Variants in C2orf74 observed in about 807,000 individuals in gnomAD.
C2orf74 encodes uncharacterized protein C2orf74.
Under a neutral mutation model 17.9 loss-of-function variants are expected in C2orf74, and 14 were observed. That is an observed-to-expected ratio of 0.78 (90% CI 0.52 to 1.22). The LOEUF is 1.22. Among genes scored for constraint, C2orf74 ranks in the 50% most tolerant of loss-of-function variants. The pLI is 0.00. For missense variants in C2orf74, 217 were observed against 218.4 expected, an observed-to-expected ratio of 0.99 and a Z score of 0.04; for synonymous variants, 79 against 72.6, an observed-to-expected ratio of 1.09 and a Z score of -0.44.
intron 1 of C2orf74, among the ~76,000 whole-genome samples, chr2:61,145,497 C>A (rs907723219): frequency 1.3e-5 from 2 of 152,138 alleles, no homozygotes; most frequent in East Asian, 3.9e-4. Context: ...AATCTCGGCT[C>A]ACTGCACCCT....
chr2:61,157,557 C>T (rs1685428618), upstream of C2orf74, among the ~76,000 whole-genome samples: 1 of 152,178 alleles, frequency 6.6e-6, no homozygotes, highest in Admixed American at 6.5e-5. Flanking sequence ...AGTCCAGCTT[C>T]CTGTCCACAC....
chr2:61,157,429 G>C (rs1685424691), upstream of C2orf74, among the ~76,000 whole-genome samples: 1 of 152,144 alleles, frequency 6.6e-6, no homozygotes, highest in South Asian at 2.1e-4. Context: ...CAGAAGAGGA[G>C]GCAGTGTGAT....
chr2:61,149,955 CAG>C (rs1217233324), intron 1 of C2orf74, among the ~76,000 whole-genome samples: 1 of 152,110 alleles, frequency 6.6e-6, no homozygotes, highest in Non-Finnish European at 1.5e-5. Context: ...TTTGAGTAAA[CAG>C]AGGAAGTGGC....
At chr2:61,159,190 G>T, upstream of C2orf74, 1 of 229,202 alleles carries the variant, frequency 4.4e-6, no homozygotes, top group Non-Finnish European at 9.0e-6. Context: ...TAGAGATGGG[G>T]TTTCACCATG....
chr2:61,160,065 G>C (rs1250435222), upstream of C2orf74, among the ~76,000 whole-genome samples: 1 of 152,048 alleles, frequency 6.6e-6, no homozygotes, highest in Admixed American at 6.6e-5. Context: ...CATATAAGTG[G>C]AATCATACAA....
At chr2:61,149,163 C>G (rs924071709) in intron 1 of C2orf74, among the ~76,000 whole-genome samples, 3 of 152,186 alleles carry the variant, frequency 2.0e-5, no homozygotes, top group Non-Finnish European at 2.9e-5. Context: ...AAAAATATCT[C>G]CCCTCTGACT....
chr2:61,152,930 C>T lies in C2orf74; in HGVS notation c.-122+7734C>T, dbSNP rs374841836. ...CAGTACTTTGGGAGGCCAAGGTGGG[C>T]GGATCACCTGAGGTCAGGAGTTTGA... On this transcript the variant is annotated intron_variant, in intron 1 of 3. Coordinates refer to the C2orf74 transcript ENST00000426997. Among the ~76,000 whole-genome samples, 188 of 149,890 alleles carry T rather than the reference C, an allele frequency of 1.3e-3. 2 individuals carry two copies. The East Asian group carries it at 0.033, about 27-fold the overall frequency.
intron 1 of C2orf74, among the ~76,000 whole-genome samples, chr2:61,149,234 C>T (rs933892059): frequency 4.6e-5 from 7 of 152,030 alleles, no homozygotes; most frequent in East Asian, 3.8e-4. Context: ...GGATTAGAGT[C>T]GGGAGAGTGA....
At chr2:61,157,012 C>G (rs1281040121) in intron 1 of C2orf74, among the ~76,000 whole-genome samples, 2 of 152,180 alleles carry the variant, frequency 1.3e-5, no homozygotes, top group Non-Finnish European at 2.9e-5. Flanking sequence ...TTGACCAGAT[C>G]CCTCAAATAT....
Position 61,164,421 on chromosome 2 carries a change from G to T in C2orf74, c.458G>T (p.Arg153Ile). Residue 153 changes from arginine to isoleucine, a missense_variant, in exon 5 of 5, where the codon AGA becomes ATA. By Grantham distance (97) the Arg-to-Ile change is moderately conservative. Coordinates refer to ENST00000432605, the MANE Select transcript of C2orf74 (RefSeq NM_001143959.4). ...CCTTCAGTTGTTGAAAGCCAAAAAAGACCTTTAAAAGGAGTGACATTTTCT... is the reference window on the plus strand; with the variant it reads ...CCTTCAGTTGTTGAAAGCCAAAAAATACCTTTAAAAGGAGTGACATTTTCT... ...RTPSVVESQK[R>I]PLKGVTFSRE... 1.9e-6 allele frequency: 3 copies of T among 1,550,724 alleles called. No individual in the cohort carries two copies. The highest frequency in any genetic ancestry group is 2.4e-5 in the South Asian group (2 of 83,842).
chr2:61,147,853 C>T lies in C2orf74; in HGVS notation c.-122+2657C>T, dbSNP rs977904288. On this transcript the variant is annotated intron_variant, in intron 1 of 3. Coordinates refer to the C2orf74 transcript ENST00000426997. ...TGTGATCTTGGCTCACTGCAACCTC[C>T]GCCTCCTGGGTTGGAGCAATTCTCC... 1.7e-4 allele frequency among the ~76,000 whole-genome samples: 26 copies of T among 151,960 alleles called. 1 individual carries two copies. Among genetic ancestry groups the T allele is most frequent in the Admixed American group, 1.4e-3 (22 of 15,224 alleles).
chr2:61,153,903 AG>A (rs749488825), intron 1 of C2orf74, among the ~76,000 whole-genome samples: 34 of 148,962 alleles, frequency 2.3e-4, no homozygotes, highest in Non-Finnish European at 4.3e-4. Context: ...AAAAAGAAAA[AG>A]AAAGAAAAAA....
chr2:61,152,921 C>G (rs1315357439), intron 1 of C2orf74, among the ~76,000 whole-genome samples: 4 of 149,636 alleles, frequency 2.7e-5, no homozygotes, highest in Admixed American at 6.7e-5. Context: ...TTTGGGAGGC[C>G]AAGGTGGGCG....
upstream of C2orf74, among the ~76,000 whole-genome samples, chr2:61,161,187 T>C (rs1157455919): frequency 1.3e-5 from 2 of 152,256 alleles, no homozygotes; most frequent in African/African-American, 4.8e-5. Context: ...CATGTGCTTA[T>C]TGATCATTTG....
At chr2:61,162,692 A>G (rs1019705567) in intron 2 of C2orf74, 83 bp downstream of exon 2, 15 of 1,097,560 alleles carry the variant, frequency 1.4e-5, no homozygotes, top group East Asian at 2.6e-5. Context: ...ACAATTTAAA[A>G]CAGAACAAGT....
At chr2:61,146,849 C>CA (rs1685085498) in intron 1 of C2orf74, among the ~76,000 whole-genome samples, 1 of 140,890 alleles carries the variant, frequency 7.1e-6, no homozygotes, top group Non-Finnish European at 1.6e-5. Context: ...AAAAAAAAAA[C>CA]AAAAAACAAA....
intron 1 of C2orf74, among the ~76,000 whole-genome samples, chr2:61,152,636 G>C (rs1685263970): frequency 6.6e-6 from 1 of 151,814 alleles, no homozygotes; most frequent in Non-Finnish European, 1.5e-5. Flanking sequence ...ATTACCTGAG[G>C]TCAGGAGTTC....
At chr2:61,162,763 T>A (rs1179163232) in intron 2 of C2orf74, 79 bp from the exon 3 acceptor site, 1 of 1,234,592 alleles carries the variant, frequency 8.1e-7, no homozygotes, top group East Asian at 2.5e-5. Context: ...ATATCCTGTT[T>A]AAACGTGAAG....
intron 4 of C2orf74, 131 bp downstream of exon 4, chr2:61,163,363 T>C (rs994370426): frequency 7.2e-5 from 71 of 980,188 alleles, no homozygotes; most frequent in Non-Finnish European, 3.2e-5. Context: ...AATCCCAGCA[T>C]TTTGGGAGGC....
Sources: allele counts gnomAD v4.1 joint callset (sites outside exome capture counted in the v4.1 genomes callset), GRCh38; gene constraint gnomAD v4.1.1; transcripts MANE v1.5; gene names NCBI Gene and HGNC (gene_info 2026-07-23, HGNC 2026-07-21).